Variants in DNAH3 observed in about 807,000 individuals in gnomAD.
The protein encoded by DNAH3 is axonemal beta dynein heavy chain 3.
DNAH3 carries 332 observed loss-of-function variants against 432.5 expected under a neutral mutation model. The observed-to-expected ratio is 0.77, with a 90% confidence interval of 0.70 to 0.84. The LOEUF (loss-of-function observed/expected upper bound fraction) is 0.84, where lower values mean the gene tolerates loss of function less well. Ranked by LOEUF, DNAH3 falls within the 40% of genes least tolerant of loss-of-function variation. The probability of loss-of-function intolerance (pLI) is 0.00; values close to 1 mark genes in which losing one functional copy is unlikely to be tolerated. For synonymous variants in DNAH3, 1,956 were observed against 1,900.2 expected (o/e 1.03, Z -0.76); for missense variants, 4,861 against 5,114.0 (o/e 0.95, Z 1.51).
At chr16:20,971,212 G>C (rs1472781374) in intron 51 of DNAH3, among the ~76,000 whole-genome samples, 1 of 150,050 alleles carries the variant, frequency 6.7e-6, no homozygotes, top group Admixed American at 6.6e-5. Context: ...TTTCTTTTTT[G>C]GTAAAGAGCA....
intron 57 of DNAH3, among the ~76,000 whole-genome samples, chr16:20,947,410 G>A (rs1247348651): frequency 6.6e-6 from 1 of 152,160 alleles, no homozygotes; most frequent in Non-Finnish European, 1.5e-5. Flanking sequence ...AGCTGCTCCA[G>A]CAAATTAATT....
At chr16:21,007,646 C>T (rs995792287) in intron 41 of DNAH3, among the ~76,000 whole-genome samples, 2 of 152,092 alleles carry the variant, frequency 1.3e-5, no homozygotes, top group South Asian at 2.1e-4. Flanking sequence ...ATAAATTTCA[C>T]CCATTCTGTG....
chr16:21,022,719 T>A lies in DNAH3; in HGVS notation c.5647-619A>T, dbSNP rs576938905. 2.7e-3 allele frequency among the ~76,000 whole-genome samples: 407 copies of A among 152,010 alleles called. 8 individuals carry two copies. In the South Asian group the frequency reaches 0.044, roughly 16 times the overall value. Reference sequence around the variant, plus strand: ...TTTTAAACCTTTGTTATATTTTTTTTAAAAAAGATTTATTTATTTACTTAC... The same window carrying A: ...TTTTAAACCTTTGTTATATTTTTTTAAAAAAAGATTTATTTATTTACTTAC... On this transcript the variant is annotated intron_variant, in intron 39 of 61. Coordinates refer to ENST00000261383, the Ensembl canonical transcript of DNAH3.
chr16:20,979,811 G>A (rs527663903), intron 49 of DNAH3, among the ~76,000 whole-genome samples: 284 of 151,856 alleles, frequency 1.9e-3, no homozygotes, highest in Non-Finnish European at 3.2e-3. Flanking sequence ...GTGCAGTGGC[G>A]CGATCTCAGC....
exon 50 of DNAH3, chr16:20,979,453 G>A (rs201388116): frequency 1.2e-6 from 2 of 1,614,112 alleles, no homozygotes; most frequent in African/African-American, 2.7e-5. Context: ...GGTAGGAGGT[G>A]GGGGTAACAT....
At chr16:20,947,947 T>C (rs2084125312) in intron 57 of DNAH3, among the ~76,000 whole-genome samples, 1 of 152,070 alleles carries the variant, frequency 6.6e-6, no homozygotes, top group African/African-American at 2.4e-5. Flanking sequence ...GGTTAATTTT[T>C]ATATTTTTAG....
At chr16:21,063,331 G>A (rs774075307) in intron 24 of DNAH3, among the ~76,000 whole-genome samples, 4 of 152,076 alleles carry the variant, frequency 2.6e-5, no homozygotes, top group Non-Finnish European at 5.9e-5. Flanking sequence ...GAACCACTGG[G>A]TAGGGGCAGG....
rs1392502854 is a variant in DNAH3 at position 21,022,113 on chromosome 16, A to G, written c.5647-13T>C. ...ACATGTCATTGACCTGAGAGTAGAA[A>G]CCTCCATGAGACTTGGAGACATGAT... On this transcript the variant is annotated splice_polypyrimidine_tract_variant and intron_variant, in intron 39 of 61. Transcript: ENST00000261383. The G allele has an allele frequency of 6.2e-7, 1 of 1,613,448 alleles. No individual in the cohort carries two copies. The highest frequency in any genetic ancestry group is 8.5e-7 in the Non-Finnish European group (1 of 1,179,826).
Position 21,075,584 on chromosome 16 carries a change from G to T in DNAH3, c.2970-23C>A, listed in dbSNP as rs775860333. The T allele has an allele frequency of 2.6e-6, 4 of 1,557,098 alleles. No homozygotes were observed. The South Asian group carries it at 3.3e-5, about 13-fold the overall frequency. On this transcript the variant is annotated intron_variant, in intron 20 of 61. Transcript: ENST00000261383. Reference sequence around the variant, plus strand: ...AATCTAAAGAGAGAACACAGCAACAGCAACATCAACAGGAGGCAGAGAAGA... The same window carrying T: ...AATCTAAAGAGAGAACACAGCAACATCAACATCAACAGGAGGCAGAGAAGA...
intron 12 of DNAH3, among the ~76,000 whole-genome samples, chr16:21,114,214 C>T (rs969573776): frequency 2.6e-5 from 4 of 152,104 alleles, no homozygotes; most frequent in Non-Finnish European, 4.4e-5. Flanking sequence ...ACAAAGGGGA[C>T]GCCTGTGATT....
chr16:21,152,682 G>A (rs2092867036), intron 1 of DNAH3, among the ~76,000 whole-genome samples: 1 of 152,226 alleles, frequency 6.6e-6, no homozygotes, highest in Admixed American at 6.5e-5. Context: ...GGCGGGCCCC[G>A]CACTGGGAGC....
intron 9 of DNAH3, among the ~76,000 whole-genome samples, chr16:21,124,645 CTTTT>C (rs11352383): frequency 6.8e-6 from 1 of 146,398 alleles, no homozygotes; most frequent in Non-Finnish European, 1.5e-5. Flanking sequence ...CAAACATTTA[CTTTT>C]TTTTTTTTTT....
At chr16:21,081,681 C>T in exon 20 of DNAH3, 1 of 1,613,898 alleles carries the variant, frequency 6.2e-7, no homozygotes, top group Admixed American at 1.7e-5. Flanking sequence ...ATTTGAGAGG[C>T]AGGTCGTTTC....
intron 25 of DNAH3, among the ~76,000 whole-genome samples, chr16:21,060,961 CTGAG>C (rs2090337701): frequency 6.6e-6 from 1 of 151,760 alleles, no homozygotes; most frequent in African/African-American, 2.4e-5. Context: ...ACTCAGCCTC[CTGAG>C]TAACTGGGAC....
intron 5 of DNAH3, among the ~76,000 whole-genome samples, chr16:21,139,423 A>G (rs1338964679): frequency 7.2e-6 from 1 of 139,186 alleles, no homozygotes; most frequent in Non-Finnish European, 1.5e-5. Context: ...CTGAGGTGTC[A>G]GAGAAGGGGA....
At chr16:21,140,221 A>AT (rs1474134472) in intron 5 of DNAH3, 1 of 213,322 alleles carries the variant, frequency 4.7e-6, no homozygotes, top group East Asian at 1.0e-4. Context: ...TATGTGTCCC[A>AT]TTTTTTGTCT....
chr16:20,999,338 G>C (rs887356144), intron 43 of DNAH3, among the ~76,000 whole-genome samples: 3 of 152,140 alleles, frequency 2.0e-5, no homozygotes, highest in Admixed American at 6.5e-5. Context: ...AATAGGGAGG[G>C]AGAGCAAGAT....
At chr16:21,008,850 G>A (rs1360758376) in intron 41 of DNAH3, among the ~76,000 whole-genome samples, 1 of 152,146 alleles carries the variant, frequency 6.6e-6, no homozygotes, top group African/African-American at 2.4e-5. Context: ...CACAATGCTT[G>A]TAGAATTAAG....
In DNAH3 at chr16:21,129,814, A is replaced by C. The variant is rs73531805; in HGVS notation, c.1083-2002T>G. ...GACAGGGGTAGCGGGGAGGTTTGTT[A>C]GATTCAAACAAGTGTTTTATGGGCA... On this transcript the variant is annotated intron_variant, in intron 7 of 61. Transcript: ENST00000261383. Among the ~76,000 whole-genome samples, 314 of 152,136 alleles carry C rather than the reference A, an allele frequency of 2.1e-3. 1 individual carries two copies. Among genetic ancestry groups the C allele is most frequent in the African/African-American group, 6.7e-3 (280 of 41,518 alleles).
Sources: allele counts gnomAD v4.1 joint callset (sites outside exome capture counted in the v4.1 genomes callset), GRCh38; gene constraint gnomAD v4.1.1; transcripts MANE v1.5; gene names NCBI Gene and HGNC (gene_info 2026-07-23, HGNC 2026-07-21).